UQCC2: variants seen among roughly 807,000 people sequenced by gnomAD.
The protein encoded by UQCC2 is ubiquinol-cytochrome c reductase complex assembly factor 2.
UQCC2 carries 21 observed loss-of-function variants against 19.9 expected under a neutral mutation model. The observed-to-expected ratio is 1.05, with a 90% CI of 0.75 to 1.52. The LOEUF is 1.52. Ranked by LOEUF, UQCC2 falls within the 40% of genes most tolerant of loss-of-function variation. The probability of loss-of-function intolerance (pLI) is 0.00; values close to 1 mark genes in which losing one functional copy is unlikely to be tolerated. For synonymous variants in UQCC2, 57 were observed against 60.9 expected, an observed-to-expected ratio of 0.94 and a Z score of 0.30; for missense variants, 135 against 157.5, an observed-to-expected ratio of 0.86 and a Z score of 0.76.
intron 3 of UQCC2, 28 bp from the exon 4 acceptor site, chr6:33,697,778 A>T: frequency 6.3e-7 from 1 of 1,583,240 alleles, no homozygotes; most frequent in Non-Finnish European, 8.6e-7. Flanking sequence ...AAAAAGAGAG[A>T]GGGACTGAAG....
intron 1 of UQCC2, among the ~76,000 whole-genome samples, chr6:33,708,409 G>GGT (rs1765724960): frequency 8.5e-6 from 1 of 117,662 alleles, no homozygotes; most frequent in South Asian, 5.3e-4. Flanking sequence ...TTGTTTTTCT[G>GGT]ATGTTTCCTC....
chr6:33,710,249 T>C (rs9469570), intron 1 of UQCC2, among the ~76,000 whole-genome samples: 1 of 152,166 alleles, frequency 6.6e-6, no homozygotes, highest in South Asian at 2.1e-4. Context: ...GCCTCTTTTT[T>C]TGTTATTGCC....
Position 33,711,549 on chromosome 6 carries a change from C to G in UQCC2, c.138G>C (p.Gln46His). 6.2e-7 allele frequency: 1 copy of G among 1,602,520 alleles called. No individual in the cohort carries two copies. The change falls in exon 1 of 4, where the codon CAG (glutamine) becomes CAC (histidine). Residue 46 changes from glutamine (Q) to histidine (H), a missense_variant and splice_region_variant. Coordinates refer to ENST00000607484, the MANE Select transcript of UQCC2 (RefSeq NM_032340.4). The stretch of plus-strand genomic sequence containing the variant: ...TCCCAGCCGCCTCCCCGCCGGTCAC[C>G]TGGGTATTCTCTCCCTCCCGAAAGG... ...AQAFREGENT[Q>H]VAEPEACDQM...
chr6:33,704,920 C>A (rs1212305699), intron 1 of UQCC2, among the ~76,000 whole-genome samples: 2 of 152,182 alleles, frequency 1.3e-5, no homozygotes, highest in Non-Finnish European at 2.9e-5. Flanking sequence ...AGCAGCAGGA[C>A]AGACAGGAGG....
At chr6:33,704,793 C>T (rs1243693929) in intron 1 of UQCC2, among the ~76,000 whole-genome samples, 1 of 152,146 alleles carries the variant, frequency 6.6e-6, no homozygotes, top group Admixed American at 6.5e-5. Context: ...CTTCCTGCTC[C>T]AACTTCTCTA....
intron 1 of UQCC2, among the ~76,000 whole-genome samples, chr6:33,709,450 T>A (rs1436660836): frequency 7.6e-6 from 1 of 130,966 alleles, no homozygotes; most frequent in Non-Finnish European, 1.7e-5. Flanking sequence ...TAGACACTCG[T>A]AGGGGAGAGA....
intron 1 of UQCC2, among the ~76,000 whole-genome samples, chr6:33,709,020 G>A (rs1261038582): frequency 6.6e-6 from 1 of 152,234 alleles, no homozygotes; most frequent in East Asian, 1.9e-4. Flanking sequence ...TCAAACCTGT[G>A]TGGGCCTTTG....
intron 3 of UQCC2, 64 bp from the exon 4 acceptor site, chr6:33,697,814 AC>A: frequency 1.5e-6 from 2 of 1,376,696 alleles, no homozygotes; most frequent in Non-Finnish European, 2.0e-6. Flanking sequence ...CATAGATTGG[AC>A]CCACTGGGCT....
At chr6:33,703,811 C>T (rs980379191) in intron 1 of UQCC2, among the ~76,000 whole-genome samples, 1 of 152,114 alleles carries the variant, frequency 6.6e-6, no homozygotes, top group African/African-American at 2.4e-5. Context: ...CAAATTCAGG[C>T]CACTTAACAC....
intron 1 of UQCC2, among the ~76,000 whole-genome samples, chr6:33,710,915 C>A (rs1456550360): frequency 4.6e-5 from 7 of 152,202 alleles, no homozygotes; most frequent in Non-Finnish European, 1.5e-5. Flanking sequence ...AGGACCCAAA[C>A]CTGCTGCACA....
At chr6:33,701,564 G>A in intron 1 of UQCC2, 144 bp from the exon 2 acceptor site, 2 of 693,078 alleles carry the variant, frequency 2.9e-6, no homozygotes, top group Non-Finnish European at 4.6e-6. Context: ...TCTGCGGGAA[G>A]CAAACCTGGA....
chr6:33,711,680 C>T lies in UQCC2; in HGVS notation c.7G>A (p.Ala3Thr). The T allele has an allele frequency of 6.2e-7, 1 of 1,609,058 alleles. No homozygotes were observed. The highest frequency in any genetic ancestry group is 8.5e-7 in the Non-Finnish European group (1 of 1,178,360). Residue 3 changes from alanine to threonine, a missense_variant, in exon 1 of 4, where the codon GCC becomes ACC. By Grantham distance (58) the Ala-to-Thr change is moderately conservative. Transcript: ENST00000607484. Reference sequence around the variant, plus strand: ...TTAAGAAAACGCCGGTACCGGCTGGCCGCCATCTTGGGCCCCGCGTGTTCC... The same window carrying T: ...TTAAGAAAACGCCGGTACCGGCTGGTCGCCATCTTGGGCCCCGCGTGTTCC... The part of the protein sequence containing the change: MA[A>T]SRYRRFLKLC...
At chr6:33,710,181 G>A (rs1448116692) in intron 1 of UQCC2, among the ~76,000 whole-genome samples, 3 of 151,986 alleles carry the variant, frequency 2.0e-5, no homozygotes, top group Admixed American at 1.3e-4. Flanking sequence ...CTGTGCTGCC[G>A]TCCTCATCCA....
intron 1 of UQCC2, among the ~76,000 whole-genome samples, chr6:33,708,973 C>T (rs568194202): frequency 1.2e-4 from 18 of 152,342 alleles, no homozygotes; most frequent in Non-Finnish European, 2.4e-4. Flanking sequence ...GCTACAGAAT[C>T]ACTAACACAG....
chr6:33,705,490 G>A lies in UQCC2; in HGVS notation c.139-4070C>T, dbSNP rs550060147. Among the ~76,000 whole-genome samples the A allele has an allele frequency of 2.0e-5, 3 of 152,284 alleles. No individual in the cohort carries two copies. In the East Asian group the frequency reaches 5.8e-4, roughly 29 times the overall value. On this transcript the variant is annotated intron_variant, in intron 1 of 3. Coordinates refer to ENST00000607484, the MANE Select transcript of UQCC2 (RefSeq NM_032340.4). ...GTCTGAGGTCAGAAGGTGTCTAACT[G>A]AGGCTGTAAAAGCAGCTCAGTGGAG...
rs756895880 is a variant in UQCC2 at position 33,711,678 on chromosome 6, G to A, written c.9C>T (p.Ala3=). ...GCTTAAGAAAACGCCGGTACCGGCT[G>A]GCCGCCATCTTGGGCCCCGCGTGTT... MA[A]SRYRRFLKLC... Residue 3 remains alanine (A), a synonymous_variant, in exon 1 of 4, where the codon GCC becomes GCT. Transcript: ENST00000607484. 4 of 1,609,882 alleles carry A rather than the reference G, an allele frequency of 2.5e-6. No individual in the cohort carries two copies. The highest frequency in any genetic ancestry group is 2.7e-5 in the African/African-American group (2 of 74,674).
chr6:33,701,569 C>T (rs1765640960), intron 1 of UQCC2, 149 bp from the exon 2 acceptor site: 1 of 653,946 alleles, frequency 1.5e-6, no homozygotes, highest in East Asian at 3.0e-5. Flanking sequence ...GGGAAGCAAA[C>T]CTGGACTACA....
intron 1 of UQCC2, among the ~76,000 whole-genome samples, chr6:33,706,669 GGGA>G (rs1765702455): frequency 6.6e-6 from 1 of 152,158 alleles, no homozygotes; most frequent in African/African-American, 2.4e-5. Context: ...AGAAATGACT[GGGA>G]GGATGAGGCA....
At chr6:33,710,883 T>C (rs556023892) in intron 1 of UQCC2, among the ~76,000 whole-genome samples, 2 of 152,262 alleles carry the variant, frequency 1.3e-5, no homozygotes, top group African/African-American at 4.8e-5. Flanking sequence ...GGCCTACTAC[T>C]CACACACAGC....
Sources: allele counts gnomAD v4.1 joint callset (sites outside exome capture counted in the v4.1 genomes callset), GRCh38; gene constraint gnomAD v4.1.1; transcripts MANE v1.5; gene names NCBI Gene and HGNC (gene_info 2026-07-23, HGNC 2026-07-21).